Variants in HECTD4 observed in about 807,000 individuals in gnomAD.
The protein encoded by HECTD4 is HECT domain E3 ubiquitin protein ligase 4.
A neutral mutation model predicts 471.5 loss-of-function variants in HECTD4; 114 were observed. That is an observed-to-expected ratio of 0.24 (90% CI 0.21 to 0.28). HECTD4 has a LOEUF of 0.28. HECTD4 is among the 10% of genes least tolerant of loss of function. The probability of loss-of-function intolerance (pLI) is 1.00; values close to 1 mark genes in which losing one functional copy is unlikely to be tolerated. For synonymous variants in HECTD4, 2,012 were observed against 2,256.0 expected (o/e 0.89, Z 3.07); for missense variants, 3,866 against 5,651.5 (o/e 0.68, Z 10.13).
At position 112,188,525 on chromosome 12, in the gene HECTD4, G is replaced by A. The variant is rs1257498776; in HGVS notation, c.9472+2261C>T. On this transcript the variant is annotated intron_variant, in intron 60 of 75. Coordinates refer to ENST00000682272, the MANE Select transcript of HECTD4 (RefSeq NM_001388303.1). The surrounding 1 kb of genome is among the most constrained non-coding windows in gnomAD (Gnocchi z 4.2). ...GAGAAAGCTCATGTACGTGAGACAC[G>A]ATTAGGGATCATGAACATCTAAAGC... Among the ~76,000 whole-genome samples the A allele has an allele frequency of 6.6e-6, 1 of 152,198 alleles. No individual in the cohort carries two copies. Among genetic ancestry groups the A allele is most frequent in the African/African-American group, 2.4e-5 (1 of 41,448 alleles).
At position 112,357,621 on chromosome 12, in the gene HECTD4, T is replaced by C. The variant is rs76523797; in HGVS notation, c.177+24331A>G. 1.5e-4 allele frequency among the ~76,000 whole-genome samples: 23 copies of C among 152,272 alleles called. No homozygotes were observed. The East Asian group carries it at 4.4e-3, about 29-fold the overall frequency. ...CATTTTAATAATTAAGCCTAAGTCA[T>C]GAAAGAAAGGTTAAATTATCTTTAA... is the stretch of plus-strand genomic sequence containing the variant. On this transcript the variant is annotated intron_variant, in intron 1 of 75. Coordinates refer to ENST00000682272, the MANE Select transcript of HECTD4 (RefSeq NM_001388303.1).
chr12:112,170,224 G>A, intron 69 of HECTD4, 109 bp downstream of exon 69: 1 of 1,442,946 alleles, frequency 6.9e-7, no homozygotes. Context: ...AGAACGACAG[G>A]AGGAACCGCT....
Position 112,162,343 on chromosome 12 carries a change from G to C in HECTD4, c.*44C>G. ...GCAGTGGTGGCTTCCCAAGCCAGCA[G>C]AGTGGGTGCCTCAGTGACAGCCTAA... On this transcript the variant is annotated 3_prime_UTR_variant, in exon 76 of 76. Transcript: ENST00000682272. The surrounding 1 kb of genome is among the most constrained non-coding windows in gnomAD (Gnocchi z 5.2). The C allele has an allele frequency of 6.2e-7, 1 of 1,612,488 alleles. No individual in the cohort carries two copies. The highest frequency in any genetic ancestry group is 2.2e-5 in the East Asian group (1 of 44,868).
At chr12:112,306,030 C>G in intron 7 of HECTD4, 34 bp downstream of exon 7, 2 of 1,567,246 alleles carry the variant, frequency 1.3e-6, no homozygotes, top group Non-Finnish European at 1.7e-6. Flanking sequence ...AGAAATGTTT[C>G]TGCAAAGATA....
chr12:112,176,652 T>C lies in HECTD4; in HGVS notation c.11414A>G (p.Glu3805Gly). ...KKPTVKPKSP[E>G]KSKPDEKDPE... is the part of the protein sequence containing the mutation. ...GTCCTTTTCATCTGGTTTGCTCTTTTCTGGTGATTTTGGCTTCACAGTTGG... is the reference window on the plus strand; with the variant it reads ...GTCCTTTTCATCTGGTTTGCTCTTTCCTGGTGATTTTGGCTTCACAGTTGG... The change falls in exon 65 of 76, where the codon GAA (glutamate) becomes GGA (glycine). Residue 3805 changes from glutamate (E) to glycine (G), a missense_variant. This residue lies in a region of HECTD4 where 715 missense variants were observed against 1,087.6 expected (regional missense o/e 0.66). Coordinates refer to ENST00000682272, the MANE Select transcript of HECTD4 (RefSeq NM_001388303.1). 6.2e-7 allele frequency: 1 copy of C among 1,614,024 alleles called. No individual in the cohort carries two copies. Among genetic ancestry groups the C allele is most frequent in the Non-Finnish European group, 8.5e-7 (1 of 1,179,900 alleles).
At position 112,193,674 on chromosome 12, in the gene HECTD4, T is replaced by C. The variant is rs770982823; in HGVS notation, c.8750A>G (p.Asp2917Gly). 5.1e-5 allele frequency: 82 copies of C among 1,609,956 alleles called. No individual in the cohort carries two copies. Among genetic ancestry groups the C allele is most frequent in the Non-Finnish European group, 7.0e-5 (82 of 1,178,238 alleles). Reference sequence around the variant, plus strand: ...GATCGAGCTGGAGCTGATGGTGCCGTCTGGGGACGGAAAGGAAACAGAAGT... The same window carrying C: ...GATCGAGCTGGAGCTGATGGTGCCGCCTGGGGACGGAAAGGAAACAGAAGT... ...SNQLLAPPLP[D>G]GTISSSSILL... is the part of the protein sequence containing the mutation. Residue 2917 changes from aspartate (D) to glycine (G), a missense_variant and splice_region_variant, in exon 57 of 76, where the codon GAC (aspartate) becomes GGC (glycine). Around this residue, in one of 16 missense-constraint regions of HECTD4, gnomAD observed 266 missense variants for 441.6 expected, o/e 0.60. Coordinates refer to ENST00000682272, the MANE Select transcript of HECTD4 (RefSeq NM_001388303.1). The surrounding 1 kb of genome is among the most constrained non-coding windows in gnomAD (Gnocchi z 5.2).
chr12:112,340,037 A>C (rs1036236780), intron 1 of HECTD4, among the ~76,000 whole-genome samples: 2 of 151,676 alleles, frequency 1.3e-5, no homozygotes, highest in Non-Finnish European at 2.9e-5. Flanking sequence ...TGACAGAGTG[A>C]GACTCAAAAA....
In HECTD4 at chr12:112,163,579, G is replaced by A. The variant is rs2030792423; in HGVS notation, c.12860C>T (p.Thr4287Ile). The change falls in exon 74 of 76, where the codon ACC (threonine) becomes ATC (isoleucine). Residue 4287 changes from threonine to isoleucine, a missense_variant. Transcript: ENST00000682272. The surrounding 1 kb of genome is among the most constrained non-coding windows in gnomAD (Gnocchi z 8.2). ...MLSPLEMELR[T>I]CGLPYINLEF... ...GAGGTTGATGTAGGGGAGGCCGCAG[G>A]TGCGCAGCTCCATCTCCAGTGGGCT... is the stretch of plus-strand genomic sequence containing the variant. The A allele has an allele frequency of 6.6e-7, 1 of 1,506,750 alleles. No homozygotes were observed. Among genetic ancestry groups the A allele is most frequent in the East Asian group, 2.5e-5 (1 of 40,034 alleles). 93.3% of individuals were successfully genotyped at this position (1,506,750 alleles called of 1,614,324 possible).
chr12:112,362,156 T>C (rs930056592), intron 1 of HECTD4, among the ~76,000 whole-genome samples: 1 of 152,236 alleles, frequency 6.6e-6, no homozygotes, highest in African/African-American at 2.4e-5. Flanking sequence ...TAAGTATCTA[T>C]CTGTACTCAA....
chr12:112,260,569 C>G (rs1320685952), intron 18 of HECTD4, among the ~76,000 whole-genome samples: 2 of 151,798 alleles, frequency 1.3e-5, no homozygotes, highest in South Asian at 2.1e-4. Flanking sequence ...TAAAAACAAA[C>G]CAGAGCAGAA....
chr12:112,195,395 G>A (rs140291939), intron 55 of HECTD4, among the ~76,000 whole-genome samples: 1 of 152,286 alleles, frequency 6.6e-6, no homozygotes, highest in East Asian at 1.9e-4. Flanking sequence ...TAACTCAATG[G>A]TAAGTCTATA....
chr12:112,167,931 G>T lies in HECTD4; in HGVS notation c.12209-14C>A. The T allele has an allele frequency of 6.2e-7, 1 of 1,605,048 alleles. No individual in the cohort carries two copies. The highest frequency in any genetic ancestry group is 8.5e-7 in the Non-Finnish European group (1 of 1,172,306). ...GGAAAGAGCCGCCTGTAGGACAGACGAGACACATGGGCACCTGGGGTGTCC... is the reference window on the plus strand; with the variant it reads ...GGAAAGAGCCGCCTGTAGGACAGACTAGACACATGGGCACCTGGGGTGTCC... On this transcript the variant is annotated splice_polypyrimidine_tract_variant and intron_variant, in intron 70 of 75. Transcript: ENST00000682272.
rs546401888 is a variant in HECTD4 at position 112,299,597 on chromosome 12, T to C, written c.1335+6467A>G. Reference sequence around the variant, plus strand: ...GAGATCTAGCCACTGCACTCCAGGCTGGGTGACAGACAGACTCTGTCTCAA... The same window carrying C: ...GAGATCTAGCCACTGCACTCCAGGCCGGGTGACAGACAGACTCTGTCTCAA... On this transcript the variant is annotated intron_variant, in intron 7 of 75. Coordinates refer to ENST00000682272, the MANE Select transcript of HECTD4 (RefSeq NM_001388303.1). Among the ~76,000 whole-genome samples the C allele has an allele frequency of 7.2e-5, 11 of 152,052 alleles. No individual in the cohort carries two copies. In the East Asian group the frequency reaches 1.9e-3, roughly 27 times the overall value.
chr12:112,380,548 C>A (rs1420083551), intron 1 of HECTD4, among the ~76,000 whole-genome samples: 3 of 152,104 alleles, frequency 2.0e-5, no homozygotes, highest in Non-Finnish European at 2.9e-5. Flanking sequence ...TAGCATAATA[C>A]CCCTTGAGTT....
intron 1 of HECTD4, among the ~76,000 whole-genome samples, chr12:112,352,279 T>G (rs2135738169): frequency 6.6e-6 from 1 of 152,032 alleles, no homozygotes; most frequent in African/African-American, 2.4e-5. Flanking sequence ...TAAACGAGAC[T>G]AATGAGTTGG....
chr12:112,273,731 C>T lies in HECTD4; in HGVS notation c.1866G>A (p.Trp622Ter). ...GGAAGGCTTGATTCCCAGGGTTACA[C>T]CACTGATCGATATAGTCATTTGAGC... ...WTCSNDYIDQ[W>*]CNPGNQAFHY... is the part of the protein sequence containing the mutation. Residue 622 changes from tryptophan to a stop codon, truncating the protein, a stop_gained, in exon 11 of 76, where the codon TGG (tryptophan) becomes TGA (stop). Coordinates refer to ENST00000682272, the MANE Select transcript of HECTD4 (RefSeq NM_001388303.1). LOFTEE classifies it high-confidence loss of function. The T allele has an allele frequency of 6.2e-7, 1 of 1,613,912 alleles. No homozygotes were observed. Among genetic ancestry groups the T allele is most frequent in the Non-Finnish European group, 8.5e-7 (1 of 1,179,776 alleles).
rs567799431 is a variant in HECTD4, at chr12:112,239,164, C to T, written c.5178G>A (p.Gln1726=). The change falls in exon 34 of 76, where the codon CAG becomes CAA. Residue 1726 remains glutamine, a synonymous_variant. Coordinates refer to ENST00000682272, the MANE Select transcript of HECTD4 (RefSeq NM_001388303.1). This position sits in a 1 kb window ranked among gnomAD's most constrained non-coding sequence, Gnocchi z 4.9. ...LMDRLCSLSN[Q]TESSSSEKQT... is the part of the protein sequence containing the mutation. ...GTTTCTCACTGGAGCTGGACTCGGT[C>T]TGATTGCTCAAGCTACACAGTCGAT... 2 of 1,613,986 alleles carry T rather than the reference C, an allele frequency of 1.2e-6. No individual in the cohort carries two copies. The highest frequency in any genetic ancestry group is 1.7e-5 in the Admixed American group (1 of 60,018).
chr12:112,208,055 C>G, intron 51 of HECTD4, 55 bp from the exon 52 acceptor site: 1 of 1,578,516 alleles, frequency 6.3e-7, no homozygotes. Flanking sequence ...GCAGGCATCA[C>G]TGTTTCCCTA....
At chr12:112,210,657 G>A (rs915768360) in intron 49 of HECTD4, among the ~76,000 whole-genome samples, 1 of 152,212 alleles carries the variant, frequency 6.6e-6, no homozygotes, top group East Asian at 1.9e-4. Flanking sequence ...CACTTCTTCA[G>A]ATTAAGAGAT....
Sources: gnomAD v4.1 joint callset for allele counts (sites outside exome capture counted in the v4.1 genomes callset) on GRCh38, gnomAD v4.1.1 for gene constraint, gnomAD v4.1.1 regional missense constraint, Gnocchi (gnomAD v3.1) non-coding constraint, MANE v1.5 for transcripts, NCBI Gene and HGNC (gene_info 2026-07-23, HGNC 2026-07-21) for gene names.